The following PCGF3 variants were observed in gnomAD, a reference collection of about 807,000 sequenced individuals.
PCGF3 encodes the protein polycomb group RING finger protein 3.
A neutral mutation model predicts 33.1 loss-of-function variants in PCGF3; 7 were observed. That is an observed-to-expected ratio of 0.21 (90% CI 0.12 to 0.40). The LOEUF (loss-of-function observed/expected upper bound fraction) is 0.40. Ranked by LOEUF, PCGF3 falls within the 10% of genes least tolerant of loss-of-function variation. PCGF3 has a pLI of 1.00. For synonymous variants in PCGF3, 153 were observed against 121.3 expected, an observed-to-expected ratio of 1.26 and a Z score of -1.72; for missense variants, 211 against 313.3, an observed-to-expected ratio of 0.67 and a Z score of 2.46.
chr4:766,398 C>T (rs1745375697), exon 11 of PCGF3: 6 of 248,400 alleles, frequency 2.4e-5, no homozygotes, highest in Admixed American at 5.6e-5. Flanking sequence ...CCTCTGCTTG[C>T]TTTCCAGGTC....
intron 9 of PCGF3, among the ~76,000 whole-genome samples, chr4:763,785 C>T (rs1335754807): frequency 6.6e-6 from 1 of 152,196 alleles, no homozygotes; most frequent in Non-Finnish European, 1.5e-5. Context: ...TTCATAATTA[C>T]CAAAACCTGG....
chr4:755,222 T>C (rs1271990630), intron 8 of PCGF3, among the ~76,000 whole-genome samples: 4 of 152,216 alleles, frequency 2.6e-5, no homozygotes, highest in African/African-American at 4.8e-5. Context: ...CTGGAGACTT[T>C]TAGGTGGTGA....
intron 1 of PCGF3, among the ~76,000 whole-genome samples, chr4:714,434 C>G (rs1387817777): frequency 1.3e-5 from 2 of 152,234 alleles, no homozygotes; most frequent in Non-Finnish European, 2.9e-5. Flanking sequence ...AGAGCAAGAA[C>G]TAGGGGAGGC....
chr4:755,070 A>C (rs1055107666), intron 8 of PCGF3, among the ~76,000 whole-genome samples: 2 of 152,192 alleles, frequency 1.3e-5, no homozygotes, highest in Non-Finnish European at 1.5e-5. Flanking sequence ...TCAGAGTTGC[A>C]TTTCGAGGTG....
rs1743087785 is a variant in PCGF3, at chr4:721,794, GCA to G, written c.-189-8835_-189-8834del. 3.3e-4 allele frequency among the ~76,000 whole-genome samples: 39 copies of G among 117,834 alleles called. No individual in the cohort carries two copies. Among genetic ancestry groups the G allele is most frequent in the African/African-American group, 9.5e-4 (35 of 36,986 alleles). 77.3% of individuals were successfully genotyped at this position (117,834 alleles called of 152,430 possible). ...ATGGGTTGGGTGGCTCTGTGTATGG[GCA>G]TGGGGAGGGGCCTGTGGGAGGTGGG... On this transcript the variant is annotated intron_variant, in intron 1 of 10. Coordinates refer to ENST00000362003, the Ensembl canonical transcript of PCGF3. The surrounding 1 kb of genome is among the most constrained non-coding windows in gnomAD (Gnocchi z 4.1).
At chr4:736,569 C>A (rs1291973890) in intron 5 of PCGF3, among the ~76,000 whole-genome samples, 1 of 110,690 alleles carries the variant, frequency 9.0e-6, no homozygotes, top group Non-Finnish European at 1.9e-5. Context: ...GGACGGTGTC[C>A]CCTGAGCGCA....
chr4:761,176 A>G (rs1394068411), intron 8 of PCGF3, 103 bp from the exon 9 acceptor site: 6 of 873,056 alleles, frequency 6.9e-6, no homozygotes, highest in Non-Finnish European at 9.9e-6. Context: ...CAAAAAGGTC[A>G]GCAGTCCTAG....
chr4:755,948 C>T (rs183672069), intron 8 of PCGF3, among the ~76,000 whole-genome samples: 40 of 130,204 alleles, frequency 3.1e-4, no homozygotes, highest in Non-Finnish European at 2.3e-4. Context: ...TGGAGTTTCC[C>T]TCTTGCCCAG....
At chr4:723,269 C>T (rs1743193607) in intron 1 of PCGF3, among the ~76,000 whole-genome samples, 2 of 152,226 alleles carry the variant, frequency 1.3e-5, no homozygotes, top group African/African-American at 4.8e-5. Flanking sequence ...TTGCCGGGAG[C>T]CATGGAGCCA....
At position 749,476 on chromosome 4, in the gene PCGF3, C is replaced by CTTTTTTTTTTTTTTTTT. The variant is rs71640348; in HGVS notation, c.462+4796_462+4812dup. Among the ~76,000 whole-genome samples, 141 of 75,482 alleles carry CTTTTTTTTTTTTTTTTT rather than the reference C, an allele frequency of 1.9e-3. 11 individuals carry two copies. The highest frequency in any genetic ancestry group is 3.1e-3 in the South Asian group (6 of 1,916). The allele number at this position is 75,482 out of a possible 152,430, so 49.5% of individuals were successfully genotyped here. The stretch of plus-strand genomic sequence containing the variant: ...ACCATGCCCTGCTGAATTTTCTTTC[C>CTTTTTTTTTTTTTTTTT]TTTTTTTTTTTTTTTTTTTTTTTTG... On this transcript the variant is annotated intron_variant, in intron 8 of 10. Coordinates refer to ENST00000362003, the Ensembl canonical transcript of PCGF3.
At chr4:764,601 T>TA in intron 9 of PCGF3, 1 of 179,798 alleles carries the variant, frequency 5.6e-6, no homozygotes, top group South Asian at 1.2e-4. Flanking sequence ...AGACAGGGTG[T>TA]GATGGGGCCT....
chr4:731,095 C>A, exon 3 of PCGF3: 1 of 398,600 alleles, frequency 2.5e-6, no homozygotes, highest in Non-Finnish European at 4.4e-6. Flanking sequence ...GACGGACACG[C>A]GGACGTCTAG....
intron 6 of PCGF3, among the ~76,000 whole-genome samples, chr4:741,643 A>G (rs537824557): frequency 6.6e-6 from 1 of 152,072 alleles, no homozygotes; most frequent in Admixed American, 6.5e-5. Flanking sequence ...TCCTGACCTC[A>G]TGATCCGCCC....
chr4:753,840 C>T (rs781311630), intron 8 of PCGF3, among the ~76,000 whole-genome samples: 31 of 151,880 alleles, frequency 2.0e-4, no homozygotes, highest in East Asian at 5.8e-4. Context: ...CCCAGCTACT[C>T]GGAGGCTGAG....
At chr4:756,589 A>G (rs2152613125) in intron 8 of PCGF3, among the ~76,000 whole-genome samples, 1 of 152,110 alleles carries the variant, frequency 6.6e-6, no homozygotes, top group South Asian at 2.1e-4. Context: ...TAATTCTAGA[A>G]TTTTCATGTT....
rs113224847 is a variant in PCGF3, at chr4:757,722, G to A, written c.463-3557G>A. ...TTTATTTTTTTATTTTGCTCTTTTC[G>A]TCAGTTTTTTCCTAATGCTTCCTTC... On this transcript the variant is annotated intron_variant, in intron 8 of 10. Coordinates refer to ENST00000362003, the Ensembl canonical transcript of PCGF3. The A allele has an allele frequency of 2.7e-4, 41 of 152,048 alleles. 1 individual carries two copies. The highest frequency in any genetic ancestry group is 9.4e-4 in the African/African-American group (39 of 41,474). 9.4% of individuals were successfully genotyped at this position (152,048 alleles called of 1,614,324 possible). A position where few individuals can be genotyped will look rare whatever the true frequency, so the allele number is the denominator to read the frequency against.
chr4:737,521 G>A (rs1436067837), exon 6 of PCGF3: 3 of 1,596,070 alleles, frequency 1.9e-6, no homozygotes, highest in South Asian at 2.2e-5. Context: ...CCTCCAAGAA[G>A]GTGAGTGTCT....
At chr4:743,388 A>G in intron 6 of PCGF3, 86 bp from the exon 7 acceptor site, 1 of 762,136 alleles carries the variant, frequency 1.3e-6, no homozygotes, top group Non-Finnish European at 2.3e-6. Flanking sequence ...GCAAATCCCT[A>G]ATTTTCTTTA....
At chr4:744,773 T>C in intron 8 of PCGF3, 85 bp downstream of exon 8, 1 of 213,998 alleles carries the variant, frequency 4.7e-6, no homozygotes, top group South Asian at 3.4e-5. Flanking sequence ...GTCGCTGCAG[T>C]GTTAGTGTTC....
Sources: allele counts gnomAD v4.1 joint callset (sites outside exome capture counted in the v4.1 genomes callset), GRCh38; gene constraint gnomAD v4.1.1; non-coding constraint Gnocchi (gnomAD v3.1); transcripts MANE v1.5; gene names NCBI Gene and HGNC (gene_info 2026-07-23, HGNC 2026-07-21).